DISP1: variants seen among roughly 807,000 people sequenced by gnomAD.
DISP1 encodes the protein protein dispatched homolog 1.
Under a neutral mutation model 37.3 loss-of-function variants are expected in DISP1, and 30 were observed. That is an observed-to-expected ratio of 0.80 (90% CI 0.60 to 1.09). The LOEUF is 1.09. DISP1 is among the 50% of genes least tolerant of loss of function. The pLI is 0.00. For synonymous variants in DISP1, 634 were observed against 690.2 expected (o/e 0.92, Z 1.28); for missense variants, 1,598 against 1,879.5 (o/e 0.85, Z 2.77).
chr1:222,859,896 A>G (rs1668774154), intron 1 of DISP1, among the ~76,000 whole-genome samples: 1 of 152,220 alleles, frequency 6.6e-6, no homozygotes, highest in South Asian at 2.1e-4. Flanking sequence ...TGTCTGTCAC[A>G]GTCTGTGCAC....
chr1:222,953,759 A>G (rs1053993209), intron 3 of DISP1, among the ~76,000 whole-genome samples: 1 of 152,206 alleles, frequency 6.6e-6, no homozygotes, highest in African/African-American at 2.4e-5. Flanking sequence ...TGGCAGTCAG[A>G]CAGAGTGAAG....
At chr1:222,934,947 C>T (rs1673628874) in intron 2 of DISP1, among the ~76,000 whole-genome samples, 1 of 152,082 alleles carries the variant, frequency 6.6e-6, no homozygotes, top group Non-Finnish European at 1.5e-5. Context: ...AAAAATGGGC[C>T]TTTATTTCTG....
intron 1 of DISP1, among the ~76,000 whole-genome samples, chr1:222,876,145 C>G (rs1412940204): frequency 6.6e-6 from 1 of 152,076 alleles, no homozygotes; most frequent in Non-Finnish European, 1.5e-5. Flanking sequence ...GGACATCTGC[C>G]ACAGACAAAT....
intron 1 of DISP1, among the ~76,000 whole-genome samples, chr1:222,889,609 A>G (rs1441798620): frequency 6.6e-6 from 1 of 151,436 alleles, no homozygotes; most frequent in Non-Finnish European, 1.5e-5. Context: ...TACATGAACT[A>G]TATATGCCTT....
rs557776022 is a variant in DISP1 at position 222,956,263 on chromosome 1, T to C, written c.509+12931T>C. On this transcript the variant is annotated intron_variant, in intron 3 of 8. Coordinates refer to ENST00000675850, the MANE Select transcript of DISP1 (RefSeq NM_001377229.1). The stretch of plus-strand genomic sequence containing the variant: ...CCTTTGATGGATGGAGTATGTGTTG[T>C]GGGTGAGGAAAGGGTACTTCATGGA... 5.9e-5 allele frequency among the ~76,000 whole-genome samples: 9 copies of C among 152,264 alleles called. No individual in the cohort carries two copies. The East Asian group carries it at 1.5e-3, about 26-fold the overall frequency.
intron 2 of DISP1, among the ~76,000 whole-genome samples, chr1:222,931,685 CTT>C (rs5781291): frequency 0.021 from 2,948 of 140,398 alleles, 35 homozygotes; most frequent in African/African-American, 0.045. Context: ...CACCAGGAAT[CTT>C]TTTTTTTTTT....
chr1:222,886,385 G>T (rs530289445), intron 1 of DISP1, among the ~76,000 whole-genome samples: 1 of 152,354 alleles, frequency 6.6e-6, no homozygotes, highest in Non-Finnish European at 1.5e-5. Context: ...ATGTAGTCAT[G>T]AAATGTTTAT....
Position 223,004,019 on chromosome 1 carries a change from C to T in DISP1, c.2622C>T (p.Cys874=). 4 of 1,614,174 alleles carry T rather than the reference C, an allele frequency of 2.5e-6. No individual in the cohort carries two copies. Among genetic ancestry groups the T allele is most frequent in the Non-Finnish European group, 3.4e-6 (4 of 1,180,030 alleles). Residue 874 remains cysteine (C), a synonymous_variant, in exon 9 of 9, where the codon TGC becomes TGT. Coordinates refer to ENST00000675850, the MANE Select transcript of DISP1 (RefSeq NM_001377229.1). This position sits in a 1 kb window ranked among gnomAD's most constrained non-coding sequence, Gnocchi z 4.9. ...ATGAGCCTGCCCTGTACCCATGCTG[C>T]AGCCACTGGAGCTTCCCCTACAAGC... ...DCDEPALYPC[C]SHWSFPYKQE...
intron 3 of DISP1, among the ~76,000 whole-genome samples, chr1:222,978,552 T>C (rs1050243027): frequency 6.6e-6 from 1 of 152,234 alleles, no homozygotes; most frequent in African/African-American, 2.4e-5. Flanking sequence ...ATTTTGGCTT[T>C]TGTTGCCATT....
intron 1 of DISP1, among the ~76,000 whole-genome samples, chr1:222,836,215 G>A (rs1044436082): frequency 1.2e-4 from 18 of 152,156 alleles, no homozygotes; most frequent in African/African-American, 3.1e-4. Flanking sequence ...GTAAGTAAGC[G>A]TGCTAGGTTT....
At position 222,893,729 on chromosome 1, in the gene DISP1, C is replaced by T. The variant is rs1272755188; in HGVS notation, c.-158-34701C>T. Among the ~76,000 whole-genome samples, 1 of 152,244 alleles carries T rather than the reference C, an allele frequency of 6.6e-6. No homozygotes were observed. Among genetic ancestry groups the T allele is most frequent in the Non-Finnish European group, 1.5e-5 (1 of 68,042 alleles). On this transcript the variant is annotated intron_variant, in intron 1 of 8. Coordinates refer to ENST00000675850, the MANE Select transcript of DISP1 (RefSeq NM_001377229.1). This position sits in a 1 kb window ranked among gnomAD's most constrained non-coding sequence, Gnocchi z 4.3. Reference sequence around the variant, plus strand: ...CTGCAGAGCCCCAAAGAGAGTGTCACAACCCTGGCTCCGGGAGCTCCTAGA... The same window carrying T: ...CTGCAGAGCCCCAAAGAGAGTGTCATAACCCTGGCTCCGGGAGCTCCTAGA...
chr1:222,942,366 A>AT (rs1457447921), intron 2 of DISP1, among the ~76,000 whole-genome samples: 4 of 152,164 alleles, frequency 2.6e-5, no homozygotes, highest in Admixed American at 2.0e-4. Context: ...ACCTTGTACA[A>AT]TGAATTACCC....
intron 3 of DISP1, among the ~76,000 whole-genome samples, chr1:222,957,982 T>G (rs1466741384): frequency 1.3e-5 from 2 of 152,228 alleles, no homozygotes; most frequent in South Asian, 4.1e-4. Flanking sequence ...CCATGTACAT[T>G]ATGCAGAAAA....
chr1:222,909,064 C>T (rs2125417666), intron 1 of DISP1, among the ~76,000 whole-genome samples: 1 of 152,184 alleles, frequency 6.6e-6, no homozygotes, highest in South Asian at 2.1e-4. Context: ...CAAAACCATT[C>T]AAGTTGATTC....
At chr1:222,987,626 A>G (rs927852229) in intron 4 of DISP1, among the ~76,000 whole-genome samples, 3 of 152,240 alleles carry the variant, frequency 2.0e-5, no homozygotes, top group African/African-American at 4.8e-5. Context: ...TAACGTTGCT[A>G]TACGTGTGTG....
intron 1 of DISP1, among the ~76,000 whole-genome samples, chr1:222,925,018 C>T (rs778341747): frequency 2.0e-5 from 3 of 151,984 alleles, no homozygotes; most frequent in South Asian, 2.1e-4. Flanking sequence ...ATTAGAACAT[C>T]GTAAGGTCAC....
At position 222,990,652 on chromosome 1, in the gene DISP1, G is replaced by A. The variant is rs751196821; in HGVS notation, c.567G>A (p.Pro189=). The A allele has an allele frequency of 1.1e-5, 18 of 1,613,992 alleles. No individual in the cohort carries two copies. In the South Asian group the frequency reaches 1.4e-4, roughly 13 times the overall value. ...ATGCAGCCCTGATAGCCGACTGGCC[G>A]GTGGTGGTCTTGGGCATGTGCACCA... ...KSYAALIADW[P]VVVLGMCTMF... is the part of the protein sequence containing the mutation. Residue 189 remains proline (P), a synonymous_variant, in exon 5 of 9, where the codon CCG becomes CCA. Coordinates refer to ENST00000675850, the MANE Select transcript of DISP1 (RefSeq NM_001377229.1).
chr1:222,925,033 A>C (rs1286540637), intron 1 of DISP1, among the ~76,000 whole-genome samples: 1 of 152,162 alleles, frequency 6.6e-6, no homozygotes, highest in African/African-American at 2.4e-5. Context: ...GGTCACTAGT[A>C]CTTTTCTTTT....
At chr1:222,887,506 T>C (rs1266091604) in intron 1 of DISP1, among the ~76,000 whole-genome samples, 4 of 107,422 alleles carry the variant, frequency 3.7e-5, no homozygotes, top group South Asian at 3.2e-4. Flanking sequence ...TTTTTTTTTT[T>C]TTTGAGACGG....
Sources: gnomAD v4.1 joint callset for allele counts (sites outside exome capture counted in the v4.1 genomes callset) on GRCh38, gnomAD v4.1.1 for gene constraint, Gnocchi (gnomAD v3.1) non-coding constraint, MANE v1.5 for transcripts, NCBI Gene and HGNC (gene_info 2026-07-23, HGNC 2026-07-21) for gene names.